USP48: variants seen among roughly 807,000 people sequenced by gnomAD.
USP48 encodes ubiquitin carboxyl-terminal hydrolase 48.
Under a neutral mutation model 150.7 loss-of-function variants are expected in USP48, and 43 were observed. That is an observed-to-expected ratio of 0.29 (90% CI 0.22 to 0.37). USP48 has a LOEUF of 0.37. Among genes scored for constraint, USP48 ranks in the 10% least tolerant of loss-of-function variants. The pLI, the probability that USP48 is intolerant of heterozygous loss-of-function variation, is 1.00. For synonymous variants in USP48, 396 were observed against 425.9 expected, an observed-to-expected ratio of 0.93 and a Z score of 0.86; for missense variants, 813 against 1,249.6, an observed-to-expected ratio of 0.65 and a Z score of 5.27.
At chr1:21,764,183 G>A (rs1171345326) in intron 1 of USP48, among the ~76,000 whole-genome samples, 1 of 152,110 alleles carries the variant, frequency 6.6e-6, no homozygotes, top group African/African-American at 2.4e-5. Context: ...CACACCTGTA[G>A]TCCCAGCAAT....
chr1:21,764,465 G>C (rs112401853), intron 1 of USP48, among the ~76,000 whole-genome samples: 4 of 150,448 alleles, frequency 2.7e-5, no homozygotes, highest in African/African-American at 9.8e-5. Flanking sequence ...CCTGGGCGCA[G>C]TGGGAGGCCG....
intron 9 of USP48, among the ~76,000 whole-genome samples, chr1:21,733,111 C>T (rs895592980): frequency 6.6e-6 from 1 of 152,088 alleles, no homozygotes; most frequent in African/African-American, 2.4e-5. Context: ...GTTAGTCATC[C>T]ATTCCTAATT....
chr1:21,687,915 A>G (rs893056092), intron 24 of USP48, among the ~76,000 whole-genome samples: 1 of 152,194 alleles, frequency 6.6e-6, no homozygotes, highest in Non-Finnish European at 1.5e-5. Flanking sequence ...GCAGAATGTT[A>G]AACAGAGGGA....
At chr1:21,746,808 C>T (rs1409488390) in intron 8 of USP48, among the ~76,000 whole-genome samples, 2 of 152,112 alleles carry the variant, frequency 1.3e-5, no homozygotes, top group Non-Finnish European at 2.9e-5. Flanking sequence ...ATACCTTTTT[C>T]ATTTTTTACA....
At chr1:21,728,758 GTT>G in intron 10 of USP48, 39 bp from the exon 11 acceptor site, 1 of 1,607,290 alleles carries the variant, frequency 6.2e-7, no homozygotes, top group Non-Finnish European at 8.5e-7. Context: ...CTTTATTCTT[GTT>G]TTCACATATA....
chr1:21,712,451 A>C (rs1316955855), intron 15 of USP48, among the ~76,000 whole-genome samples: 1 of 152,140 alleles, frequency 6.6e-6, no homozygotes, highest in Non-Finnish European at 1.5e-5. Context: ...ATTGCCCACT[A>C]TAATCCTCCT....
At chr1:21,749,846 T>C (rs2097804676) in intron 6 of USP48, among the ~76,000 whole-genome samples, 1 of 152,190 alleles carries the variant, frequency 6.6e-6, no homozygotes, top group African/African-American at 2.4e-5. Context: ...CAAATGATCC[T>C]ACTGTCTCAG....
At position 21,701,545 on chromosome 1, in the gene USP48, T is replaced by C. The variant is rs2097657014; in HGVS notation, c.2680A>G (p.Lys894Glu). 6.2e-7 allele frequency: 1 copy of C among 1,614,034 alleles called. No individual in the cohort carries two copies. Among genetic ancestry groups the C allele is most frequent in the East Asian group, 2.2e-5 (1 of 44,862 alleles). The change falls in exon 22 of 27, where the codon AAG (lysine) becomes GAG (glutamate). Residue 894 changes from lysine to glutamate, a missense_variant. Coordinates refer to ENST00000308271, the MANE Select transcript of USP48 (RefSeq NM_032236.8). The part of the protein sequence containing the change: ...NVSSSETEED[K>E]EEAKPDGEKD... The stretch of plus-strand genomic sequence containing the variant: ...TCTCCATCTGGTTTAGCTTCTTCCT[T>C]GTCCTCCTCTGTTTCAGAACTACTC...
At position 21,695,045 on chromosome 1, in the gene USP48, T is replaced by G. The variant is rs757072804; in HGVS notation, c.2883+21A>C. 3.7e-6 allele frequency: 6 copies of G among 1,603,612 alleles called. No homozygotes were observed. The African/African-American group carries it at 4.0e-5, about 11-fold the overall frequency. ...AGGCCCTTTTAAGTCCAGAGCAAAC[T>G]TGAACAAATGTTTCCCTCACCTGAA... On this transcript the variant is annotated intron_variant, in intron 23 of 26. Transcript: ENST00000308271.
rs141238320 is a variant in USP48 at position 21,683,893 on chromosome 1, G to T, written c.3059-3059C>A. ...TGAGAAAATACAGTATTGTCTTTCT[G>T]AGCCTGGCTTATTTCACTTAACATA... On this transcript the variant is annotated intron_variant, in intron 25 of 26. Coordinates refer to ENST00000308271, the MANE Select transcript of USP48 (RefSeq NM_032236.8). Among the ~76,000 whole-genome samples the T allele has an allele frequency of 7.7e-4, 117 of 152,174 alleles. 1 individual carries two copies. The highest frequency in any genetic ancestry group is 2.8e-3 in the African/African-American group (115 of 41,510).
At chr1:21,757,836 G>A (rs367577719) in intron 1 of USP48, 53 bp from the exon 2 acceptor site, 73 of 1,518,386 alleles carry the variant, frequency 4.8e-5, no homozygotes, top group East Asian at 3.5e-4. Context: ...TTTCATGAGA[G>A]ACAAACAAAT....
intron 13 of USP48, 100 bp from the exon 14 acceptor site, chr1:21,721,266 C>T: frequency 6.8e-7 from 1 of 1,466,192 alleles, no homozygotes; most frequent in Non-Finnish European, 9.2e-7. Context: ...TACAAACACT[C>T]AACATCAGCT....
At chr1:21,779,662 A>T (rs1195478743) in intron 1 of USP48, among the ~76,000 whole-genome samples, 3 of 152,170 alleles carry the variant, frequency 2.0e-5, no homozygotes, top group African/African-American at 7.2e-5. Flanking sequence ...AAACTACTAC[A>T]CTAATGTTCA....
intron 8 of USP48, among the ~76,000 whole-genome samples, chr1:21,743,591 T>C (rs1430142520): frequency 6.6e-6 from 1 of 152,032 alleles, no homozygotes; most frequent in African/African-American, 2.4e-5. Flanking sequence ...CATGCTTATA[T>C]AGTAAAATGC....
chr1:21,763,925 A>G (rs907227541), intron 1 of USP48, among the ~76,000 whole-genome samples: 2 of 152,228 alleles, frequency 1.3e-5, no homozygotes, highest in African/African-American at 2.4e-5. Context: ...CAGCCTTAGC[A>G]GCACAGCAGA....
intron 15 of USP48, among the ~76,000 whole-genome samples, chr1:21,708,904 AAAGAAAAGAAAAG>A (rs1557465944): frequency 3.6e-4 from 20 of 54,974 alleles, no homozygotes; most frequent in Admixed American, 9.0e-4. Context: ...AAAAAAAAAG[AAAGAAAAGAAAAG>A]AAAAGAAAAG....
At chr1:21,696,067 G>A (rs1179107537) in intron 22 of USP48, among the ~76,000 whole-genome samples, 1 of 152,112 alleles carries the variant, frequency 6.6e-6, no homozygotes, top group Non-Finnish European at 1.5e-5. Flanking sequence ...ATTAAAATAA[G>A]TAACATAAAG....
At position 21,783,096 on chromosome 1, in the gene USP48, T is replaced by C. The variant is rs1485117307; in HGVS notation, c.-139A>G. On this transcript the variant is annotated 5_prime_UTR_variant, in exon 1 of 27. Coordinates refer to ENST00000308271, the MANE Select transcript of USP48 (RefSeq NM_032236.8). ...TCAGGCAGCTGGCCAGTCAATCACC[T>C]GTGCGCGCCACTGCCGCCGCGCCCG... 4 of 1,245,186 alleles carry C rather than the reference T, an allele frequency of 3.2e-6. No individual in the cohort carries two copies. Among genetic ancestry groups the C allele is most frequent in the Non-Finnish European group, 2.1e-6 (2 of 967,658 alleles). The allele number at this position is 1,245,186 out of a possible 1,614,324, so 77.1% of individuals were successfully genotyped here. A position where few individuals can be genotyped will look rare whatever the true frequency, so the allele number is the denominator to read the frequency against.
chr1:21,782,691 G>A (rs1381756856), intron 1 of USP48, 133 bp downstream of exon 1: 5 of 1,344,108 alleles, frequency 3.7e-6, no homozygotes, highest in Non-Finnish European at 4.8e-6. Flanking sequence ...GCGCAAAGGG[G>A]GAAACTCCAC....
Sources: gnomAD v4.1 joint callset for allele counts (sites outside exome capture counted in the v4.1 genomes callset) on GRCh38, gnomAD v4.1.1 for gene constraint, MANE v1.5 for transcripts, NCBI Gene and HGNC (gene_info 2026-07-23, HGNC 2026-07-21) for gene names.